Variants in MPPED1 observed in about 807,000 individuals in gnomAD.
MPPED1 encodes the protein metallophosphoesterase domain containing 1.
Under a neutral mutation model 36.2 loss-of-function variants are expected in MPPED1, and 16 were observed. The ratio of observed to expected loss-of-function variants is 0.44; its 90% CI spans 0.30 to 0.67. The LOEUF (loss-of-function observed/expected upper bound fraction) is 0.67. MPPED1 is among the 30% of genes least tolerant of loss of function. The pLI is 0.10. For missense variants in MPPED1, 307 were observed against 453.4 expected, an observed-to-expected ratio of 0.68 and a Z score of 2.93; for synonymous variants, 199 against 191.3, an observed-to-expected ratio of 1.04 and a Z score of -0.33.
At chr22:43,449,825 G>A (rs1377792305) in intron 3 of MPPED1, among the ~76,000 whole-genome samples, 1 of 152,128 alleles carries the variant, frequency 6.6e-6, no homozygotes, top group Non-Finnish European at 1.5e-5. Flanking sequence ...TTTCTCACAG[G>A]GCCTTGGTGA....
chr22:43,485,005 AC>A (rs1302626236), intron 4 of MPPED1, among the ~76,000 whole-genome samples: 1 of 152,178 alleles, frequency 6.6e-6, no homozygotes, highest in Non-Finnish European at 1.5e-5. Flanking sequence ...TGCTGCTTCT[AC>A]AAACGCACAG....
At chr22:43,414,727 C>T (rs1254618518) in intron 1 of MPPED1, among the ~76,000 whole-genome samples, 2 of 152,162 alleles carry the variant, frequency 1.3e-5, no homozygotes, top group African/African-American at 4.8e-5. Context: ...TCTCTCCCAT[C>T]GCCCCTCCCT....
intron 3 of MPPED1, among the ~76,000 whole-genome samples, chr22:43,453,520 G>A (rs977280207): frequency 4.6e-5 from 7 of 152,038 alleles, no homozygotes; most frequent in African/African-American, 1.4e-4. Flanking sequence ...GCTTCGTTGT[G>A]GGATTTTCTG....
At chr22:43,436,398 C>T (rs1296260185) in intron 3 of MPPED1, among the ~76,000 whole-genome samples, 1 of 152,206 alleles carries the variant, frequency 6.6e-6, no homozygotes, top group African/African-American at 2.4e-5. Context: ...AGGAGTGAGG[C>T]AGGGCAGCCG....
intron 5 of MPPED1, among the ~76,000 whole-genome samples, chr22:43,500,184 A>ATGGTGGAGGTGGTAGTGG (rs1555904910): frequency 2.3e-4 from 3 of 12,798 alleles, no homozygotes; most frequent in South Asian, 3.6e-3. Context: ...GGTGGTGGTG[A>ATGGTGGAGGTGGTAGTGG]TGGTGATGGA....
chr22:43,441,722 G>A (rs995817627), intron 3 of MPPED1, among the ~76,000 whole-genome samples: 1 of 152,188 alleles, frequency 6.6e-6, no homozygotes, highest in Non-Finnish European at 1.5e-5. Flanking sequence ...AATAGAACTA[G>A]GTCTTTTGCA....
At chr22:43,494,803 T>A (rs1032812845) in intron 4 of MPPED1, among the ~76,000 whole-genome samples, 2 of 151,726 alleles carry the variant, frequency 1.3e-5, no homozygotes, top group Non-Finnish European at 2.9e-5. Context: ...CAGAAGTGTG[T>A]TTCTCACAGT....
At chr22:43,469,484 G>GTGATGGGAA (rs55687375) in intron 3 of MPPED1, among the ~76,000 whole-genome samples, 12 of 152,368 alleles carry the variant, frequency 7.9e-5, no homozygotes, top group South Asian at 2.1e-4. Context: ...GAACTGCAGG[G>GTGATGGGAA]CGATGGGAAC....
chr22:43,498,169 C>T lies in MPPED1; in HGVS notation c.633-66C>T, dbSNP rs536413794. 1.3e-4 allele frequency: 165 copies of T among 1,314,926 alleles called. No homozygotes were observed. In the African/African-American group the frequency reaches 1.5e-3, roughly 12 times the overall value. 81.5% of individuals were successfully genotyped at this position (1,314,926 alleles called of 1,614,324 possible). On this transcript the variant is annotated intron_variant, in intron 4 of 6. Coordinates refer to ENST00000443721, the MANE Select transcript of MPPED1 (RefSeq NM_001044370.2). ...GGGCCCCCTGGCCCGTGGGGAGCTC[C>T]GCATTCCCTCTGACCACCCTGTACT...
intron 2 of MPPED1, among the ~76,000 whole-genome samples, chr22:43,427,977 T>G (rs1024997193): frequency 6.6e-6 from 1 of 151,850 alleles, no homozygotes; most frequent in African/African-American, 2.4e-5. Flanking sequence ...GGGGATGAAA[T>G]AGTTAAATCC....
intron 4 of MPPED1, among the ~76,000 whole-genome samples, chr22:43,495,518 G>A (rs796171112): frequency 2.1e-3 from 103 of 49,540 alleles, no homozygotes; most frequent in Middle Eastern, 6.6e-3. Context: ...GGTGGTGGTG[G>A]TGGAGGTGGT....
At chr22:43,450,543 T>C (rs1930527731) in intron 3 of MPPED1, among the ~76,000 whole-genome samples, 1 of 152,150 alleles carries the variant, frequency 6.6e-6, no homozygotes, top group Non-Finnish European at 1.5e-5. Context: ...AGTTTTCTCA[T>C]CTATCAAAGG....
chr22:43,491,706 G>C (rs1569087209), intron 4 of MPPED1, among the ~76,000 whole-genome samples: 4 of 125,942 alleles, frequency 3.2e-5, no homozygotes, highest in Non-Finnish European at 6.7e-5. Flanking sequence ...GGTGGTGATG[G>C]AGGTGGTGGT....
intron 4 of MPPED1, among the ~76,000 whole-genome samples, chr22:43,487,707 G>A (rs1931955891): frequency 6.6e-6 from 1 of 152,216 alleles, no homozygotes; most frequent in African/African-American, 2.4e-5. Flanking sequence ...GGAATTGTCT[G>A]TGTGTCAGCT....
chr22:43,465,242 T>C (rs1370969816), intron 3 of MPPED1, among the ~76,000 whole-genome samples: 1 of 152,218 alleles, frequency 6.6e-6, no homozygotes, highest in Non-Finnish European at 1.5e-5. Flanking sequence ...CTTGAAGTCA[T>C]GGACTCTTGA....
chr22:43,432,464 GGAGA>G (rs753536217), intron 2 of MPPED1, among the ~76,000 whole-genome samples: 1 of 125,962 alleles, frequency 7.9e-6, no homozygotes, highest in African/African-American at 3.1e-5. Flanking sequence ...GATAAAGAGA[GGAGA>G]GAGAGAGAAA....
intron 1 of MPPED1, chr22:43,418,019 T>C: frequency 2.2e-6 from 1 of 456,070 alleles, no homozygotes; most frequent in Non-Finnish European, 4.4e-6. Flanking sequence ...TGTGTGCTCA[T>C]TGACTGTCAT....
At chr22:43,440,961 G>T (rs891793550) in intron 3 of MPPED1, among the ~76,000 whole-genome samples, 1 of 151,660 alleles carries the variant, frequency 6.6e-6, no homozygotes. Context: ...CACTGAAGGG[G>T]GCTTCTCCTA....
chr22:43,499,592 A>G (rs1330750841), intron 5 of MPPED1, among the ~76,000 whole-genome samples: 111 of 8,320 alleles, frequency 0.013, no homozygotes, highest in Middle Eastern at 0.05. Context: ...TGGTGGTGGT[A>G]GTGGAGGTGG....
Sources: allele counts gnomAD v4.1 joint callset (sites outside exome capture counted in the v4.1 genomes callset), GRCh38; gene constraint gnomAD v4.1.1; transcripts MANE v1.5; gene names NCBI Gene and HGNC (gene_info 2026-07-23, HGNC 2026-07-21).